APBA2: variants seen among roughly 807,000 people sequenced by gnomAD.
APBA2 encodes amyloid-beta A4 precursor protein-binding family A member 2.
A neutral mutation model predicts 75.0 loss-of-function variants in APBA2; 30 were observed. The observed-to-expected ratio is 0.40, with a 90% CI of 0.30 to 0.54. The LOEUF (loss-of-function observed/expected upper bound fraction) is 0.54. APBA2 is among the 20% of genes least tolerant of loss of function. The pLI, the probability that APBA2 is intolerant of heterozygous loss-of-function variation, is 0.49. For missense variants in APBA2, 801 were observed against 1,016.1 expected (o/e 0.79, Z 2.88); for synonymous variants, 444 against 409.6 (o/e 1.08, Z -1.01).
chr15:28,906,493 T>A (rs2033140921), intron 1 of APBA2, among the ~76,000 whole-genome samples: 1 of 152,222 alleles, frequency 6.6e-6, no homozygotes, highest in South Asian at 2.1e-4. Flanking sequence ...GTTGTTTCCG[T>A]AGCATAGGTT....
chr15:28,948,879 G>A (rs867537455), intron 2 of APBA2, among the ~76,000 whole-genome samples: 36 of 151,458 alleles, frequency 2.4e-4, no homozygotes, highest in Admixed American at 2.6e-4. Flanking sequence ...AAATGTTGCT[G>A]AGTGAGAGGC....
chr15:29,097,287 G>A lies in APBA2; in HGVS notation c.1252-1203G>A, dbSNP rs544328404. Among the ~76,000 whole-genome samples the A allele has an allele frequency of 1.1e-3, 164 of 152,396 alleles. 1 individual carries two copies. The highest frequency in any genetic ancestry group is 3.9e-3 in the African/African-American group (161 of 41,602). On this transcript the variant is annotated intron_variant, in intron 8 of 14. Coordinates refer to ENST00000683413, the MANE Select transcript of APBA2 (RefSeq NM_001353788.2). ...AAATTCCACAGGGGTCAGCCAGAGG[G>A]CCTTGCTTGCCACTGGCAGGAGGGG...
intron 9 of APBA2, 56 bp downstream of exon 9, chr15:29,098,632 C>A: frequency 1.4e-6 from 2 of 1,412,940 alleles, no homozygotes; most frequent in Non-Finnish European, 2.0e-6. Flanking sequence ...TCGACTCCTT[C>A]TTGTCCCATG....
chr15:28,906,271 T>C (rs571662088), intron 1 of APBA2, among the ~76,000 whole-genome samples: 82 of 152,314 alleles, frequency 5.4e-4, no homozygotes, highest in Admixed American at 1.6e-3. Context: ...GTGGCACATA[T>C]ACACCATGGA....
At chr15:28,932,103 C>CCTTGGGACA (rs2034596235) in intron 2 of APBA2, among the ~76,000 whole-genome samples, 2 of 152,146 alleles carry the variant, frequency 1.3e-5, no homozygotes, top group Non-Finnish European at 2.9e-5. Context: ...GGATCACTGT[C>CCTTGGGACA]TCTGCTTTGG....
intron 2 of APBA2, among the ~76,000 whole-genome samples, chr15:28,930,350 C>G (rs2034498757): frequency 6.6e-6 from 1 of 152,206 alleles, no homozygotes; most frequent in Non-Finnish European, 1.5e-5. Flanking sequence ...CGTGGTCCCT[C>G]TGAGCCTGCC....
At chr15:28,905,567 A>G (rs1471055576) in intron 1 of APBA2, among the ~76,000 whole-genome samples, 1 of 152,142 alleles carries the variant, frequency 6.6e-6, no homozygotes, top group Non-Finnish European at 1.5e-5. Context: ...TTTGTTTTGC[A>G]TTTTGAGATG....
intron 1 of APBA2, among the ~76,000 whole-genome samples, chr15:28,891,317 G>C (rs779510426): frequency 4.6e-4 from 70 of 152,192 alleles, no homozygotes; most frequent in Admixed American, 1.0e-3. Flanking sequence ...GGGCAGTGCT[G>C]GCCTTTGAGC....
At chr15:29,022,156 C>T (rs2039985780) in intron 3 of APBA2, among the ~76,000 whole-genome samples, 1 of 152,124 alleles carries the variant, frequency 6.6e-6, no homozygotes, top group Admixed American at 6.5e-5. Flanking sequence ...GATGTATGCC[C>T]AGCAGTAGGA....
chr15:28,889,131 C>T (rs1595384239), intron 1 of APBA2, among the ~76,000 whole-genome samples: 1 of 152,280 alleles, frequency 6.6e-6, no homozygotes, highest in African/African-American at 2.4e-5. Flanking sequence ...CGCCCACCGC[C>T]TGGGTTGGGT....
At chr15:28,889,717 G>C (rs2032003903) in intron 1 of APBA2, among the ~76,000 whole-genome samples, 1 of 152,206 alleles carries the variant, frequency 6.6e-6, no homozygotes, top group African/African-American at 2.4e-5. Context: ...TCTTGCCTCA[G>C]GGCCTTTGCA....
At chr15:29,080,498 A>G (rs1380183156) in intron 6 of APBA2, among the ~76,000 whole-genome samples, 1 of 152,076 alleles carries the variant, frequency 6.6e-6, no homozygotes, top group Non-Finnish European at 1.5e-5. Flanking sequence ...GCCTGCCACA[A>G]TCACTGTCTG....
chr15:29,025,723 G>A (rs1452856131), intron 3 of APBA2, among the ~76,000 whole-genome samples: 4 of 151,990 alleles, frequency 2.6e-5, no homozygotes, highest in South Asian at 2.1e-4. Flanking sequence ...AGGCCGAGGC[G>A]GGCAGATCAC....
intron 2 of APBA2, among the ~76,000 whole-genome samples, chr15:28,993,056 G>T (rs563695253): frequency 6.6e-6 from 1 of 152,314 alleles, no homozygotes; most frequent in South Asian, 2.1e-4. Flanking sequence ...GATGTGCTTG[G>T]CAGATGCAGG....
At chr15:28,887,197 G>C (rs1194590911) in intron 1 of APBA2, among the ~76,000 whole-genome samples, 2 of 152,242 alleles carry the variant, frequency 1.3e-5, no homozygotes, top group Non-Finnish European at 2.9e-5. Flanking sequence ...AGTGCAGTCA[G>C]CTCCTAAATG....
chr15:29,016,014 T>A (rs1217040312), intron 3 of APBA2, among the ~76,000 whole-genome samples: 1 of 152,206 alleles, frequency 6.6e-6, no homozygotes, highest in African/African-American at 2.4e-5. Flanking sequence ...ATCCCAGCAC[T>A]TTGGGAGGCC....
chr15:29,112,630 T>TA (rs1463951441), intron 13 of APBA2, among the ~76,000 whole-genome samples: 2 of 152,204 alleles, frequency 1.3e-5, no homozygotes, highest in African/African-American at 2.4e-5. Context: ...CCTTCTCTTC[T>TA]AGTCCTAATT....
chr15:29,054,657 C>T lies in APBA2; in HGVS notation c.773C>T (p.Pro258Leu). ...CCCGAGCATGGGCCTGAGCCAGGGC[C>T]TGAGGACTCTGTAGAGGCCTGCCCA... ...ASPEHGPEPG[P>L]EDSVEACPPI... Residue 258 changes from proline to leucine, a missense_variant, in exon 4 of 15, where the codon CCT (proline) becomes CTT (leucine). This residue lies in a region of APBA2 where 434 missense variants were observed against 471.6 expected (regional missense o/e 0.92). Coordinates refer to ENST00000683413, the MANE Select transcript of APBA2 (RefSeq NM_001353788.2). The surrounding 1 kb of genome is among the most constrained non-coding windows in gnomAD (Gnocchi z 6.1). The T allele has an allele frequency of 6.2e-7, 1 of 1,614,156 alleles. No individual in the cohort carries two copies. The highest frequency in any genetic ancestry group is 2.2e-5 in the East Asian group (1 of 44,862).
chr15:29,048,302 C>T (rs958678811), intron 3 of APBA2, among the ~76,000 whole-genome samples: 21 of 152,220 alleles, frequency 1.4e-4, no homozygotes, highest in African/African-American at 4.6e-4. Flanking sequence ...GAGCTGGGAT[C>T]GTGCTACTGC....
Sources: allele counts gnomAD v4.1 joint callset (sites outside exome capture counted in the v4.1 genomes callset), GRCh38; gene constraint gnomAD v4.1.1; regional missense constraint gnomAD v4.1.1; non-coding constraint Gnocchi (gnomAD v3.1); transcripts MANE v1.5; gene names NCBI Gene and HGNC (gene_info 2026-07-23, HGNC 2026-07-21).